Variants in PRDM11 observed in about 807,000 individuals in gnomAD.
PRDM11 encodes PR/SET domain 11.
A neutral mutation model predicts 97.8 loss-of-function variants in PRDM11; 20 were observed. That is an observed-to-expected ratio of 0.20 (90% CI 0.14 to 0.30). The LOEUF (loss-of-function observed/expected upper bound fraction) is 0.30. Ranked by LOEUF, PRDM11 falls within the 10% of genes least tolerant of loss-of-function variation. The pLI is 1.00. For synonymous variants in PRDM11, 599 were observed against 637.7 expected (o/e 0.94, Z 0.91); for missense variants, 1,139 against 1,555.2 (o/e 0.73, Z 4.50).
intron 1 of PRDM11, among the ~76,000 whole-genome samples, chr11:45,154,517 T>C (rs1356296653): frequency 2.6e-5 from 4 of 152,094 alleles, no homozygotes; most frequent in South Asian, 4.1e-4. Context: ...GGAGTAGGGG[T>C]GGGGGCAGAT....
chr11:45,106,450 C>T (rs1852063334), intron 1 of PRDM11, among the ~76,000 whole-genome samples: 1 of 152,148 alleles, frequency 6.6e-6, no homozygotes, highest in South Asian at 2.1e-4. Flanking sequence ...GCTAGATGTT[C>T]TAGTTATACT....
At chr11:45,209,166 G>A (rs1420722392) in intron 5 of PRDM11, 13 of 452,994 alleles carry the variant, frequency 2.9e-5, no homozygotes, top group Admixed American at 7.1e-5. Flanking sequence ...CCCTGGGGCC[G>A]GGGGCCGGGC....
rs1313447343 is a variant in PRDM11, at chr11:45,224,662, C to T, written c.1188C>T (p.Ala396=). The change falls in exon 7 of 8, where the codon GCC becomes GCT. Residue 396 remains alanine, a synonymous_variant. Coordinates refer to ENST00000683152, the MANE Select transcript of PRDM11 (RefSeq NM_001384648.1). ...SSFKADSPAE[A]SLASDPHELP... is the part of the protein sequence containing the mutation. ...TCAAGGCCGACAGTCCTGCCGAGGC[C>T]TCCCTTGCATCTGACCCTCATGAAC... 2 of 1,614,196 alleles carry T rather than the reference C, an allele frequency of 1.2e-6. No homozygotes were observed. The highest frequency in any genetic ancestry group is 8.5e-7 in the Non-Finnish European group (1 of 1,180,040).
At chr11:45,179,235 AT>A (rs1294834319) in intron 1 of PRDM11, among the ~76,000 whole-genome samples, 2 of 152,208 alleles carry the variant, frequency 1.3e-5, no homozygotes, top group Non-Finnish European at 2.9e-5. Flanking sequence ...CTTAAAAAAA[AT>A]AAATCCCAGC....
chr11:45,145,670 G>C (rs996456778), upstream of PRDM11, among the ~76,000 whole-genome samples: 2 of 152,234 alleles, frequency 1.3e-5, no homozygotes, highest in Non-Finnish European at 2.9e-5. Context: ...TGGTAGGAGA[G>C]ACGTCGCCAT....
rs1313351702 is a variant in PRDM11 at position 45,125,514 on chromosome 11, T to C, written c.96+29613T>C. ...TTCCCTCTACACACTGCTTTGAATG[T>C]GTCCCAGAGATTCTGGTATGTTGTG... On this transcript the variant is annotated intron_variant, in intron 1 of 6. Transcript: ENST00000530656. Among the ~76,000 whole-genome samples, 36 of 152,342 alleles carry C rather than the reference T, an allele frequency of 2.4e-4. No homozygotes were observed. In the East Asian group the frequency reaches 6.7e-3, roughly 29 times the overall value.
chr11:45,213,672 G>A (rs933326015), intron 5 of PRDM11: 34 of 456,386 alleles, frequency 7.4e-5, no homozygotes, highest in African/African-American at 3.6e-4. Flanking sequence ...GCTTTTCCTC[G>A]CCCTTGCAGA....
chr11:45,100,078 C>T (rs1851948037), intron 1 of PRDM11, among the ~76,000 whole-genome samples: 1 of 152,082 alleles, frequency 6.6e-6, no homozygotes, highest in Admixed American at 6.5e-5. Context: ...CATAAAATGG[C>T]ATCATTTGGC....
rs778999417 is a variant in PRDM11 at position 45,183,064 on chromosome 11, G to C, written c.427G>C (p.Gly143Arg). ...NEVIPKGHIF[G>R]PYEGQISTQD... is the part of the protein sequence containing the mutation. ...GGTCATCCCCAAGGGCCACATCTTC[G>C]GCCCCTATGAGGGGCAGATCTCCAC... Residue 143 changes from glycine (G) to arginine (R), a missense_variant, in exon 4 of 8, where the codon GGC becomes CGC. By Grantham distance (125) the Gly-to-Arg change is moderately radical. Around this residue, in one of 2 missense-constraint regions of PRDM11, gnomAD observed 429 missense variants for 510.3 expected, o/e 0.84. Transcript: ENST00000683152. 2 of 1,613,912 alleles carry C rather than the reference G, an allele frequency of 1.2e-6. No homozygotes were observed. The highest frequency in any genetic ancestry group is 1.7e-6 in the Non-Finnish European group (2 of 1,179,996).
intron 1 of PRDM11, among the ~76,000 whole-genome samples, chr11:45,114,309 A>T (rs978476650): frequency 2.1e-4 from 32 of 152,188 alleles, no homozygotes; most frequent in African/African-American, 6.8e-4. Flanking sequence ...TATGAAATTT[A>T]AAAAATTCAC....
At chr11:45,164,770 G>T (rs1852019489) in intron 1 of PRDM11, among the ~76,000 whole-genome samples, 1 of 152,202 alleles carries the variant, frequency 6.6e-6, no homozygotes, top group Non-Finnish European at 1.5e-5. Context: ...CGGCTTGGCA[G>T]AGAGACCCCT....
At chr11:45,211,756 A>G (rs1853744829) in intron 5 of PRDM11, among the ~76,000 whole-genome samples, 1 of 151,434 alleles carries the variant, frequency 6.6e-6, no homozygotes, top group Non-Finnish European at 1.5e-5. Context: ...AGTCCGTTGT[A>G]TCAATCTTAT....
chr11:45,170,342 C>CA (rs57905590), intron 1 of PRDM11, among the ~76,000 whole-genome samples: 27,789 of 145,350 alleles, frequency 0.19, 2,974 homozygotes, highest in Non-Finnish European at 0.25. Flanking sequence ...GACACTGTCT[C>CA]AAAAAAAAAA....
chr11:45,209,900 G>A (rs1270949015), intron 5 of PRDM11, among the ~76,000 whole-genome samples: 1 of 152,240 alleles, frequency 6.6e-6, no homozygotes, highest in Non-Finnish European at 1.5e-5. Flanking sequence ...GGACTAGGAT[G>A]TGAAGAGTAA....
intron 1 of PRDM11, among the ~76,000 whole-genome samples, chr11:45,169,183 G>C (rs924427871): frequency 2.0e-5 from 3 of 152,204 alleles, no homozygotes; most frequent in African/African-American, 7.2e-5. Flanking sequence ...AAAAAAAGTA[G>C]ATAGAAAAGT....
intron 1 of PRDM11, among the ~76,000 whole-genome samples, chr11:45,135,436 A>T (rs1852820487): frequency 6.6e-6 from 1 of 152,240 alleles, no homozygotes; most frequent in Admixed American, 6.5e-5. Context: ...TAATGAAAAC[A>T]ATATGTGAAT....
intron 1 of PRDM11, among the ~76,000 whole-genome samples, chr11:45,157,234 G>A (rs1406137735): frequency 6.6e-6 from 1 of 152,166 alleles, no homozygotes; most frequent in Admixed American, 6.5e-5. Flanking sequence ...TCCATGGACG[G>A]GGTCGGGGAG....
intron 1 of PRDM11, among the ~76,000 whole-genome samples, chr11:45,106,516 C>T (rs1197479404): frequency 2.6e-5 from 4 of 152,130 alleles, no homozygotes; most frequent in Non-Finnish European, 4.4e-5. Context: ...TTTATTATAG[C>T]CATGGATTCT....
intron 1 of PRDM11, among the ~76,000 whole-genome samples, chr11:45,161,809 A>G (rs779800608): frequency 6.6e-6 from 1 of 152,230 alleles, no homozygotes; most frequent in African/African-American, 2.4e-5. Flanking sequence ...GCTGCTGCCT[A>G]AGCAGCTCCT....
Sources: allele counts gnomAD v4.1 joint callset (sites outside exome capture counted in the v4.1 genomes callset), GRCh38; gene constraint gnomAD v4.1.1; regional missense constraint gnomAD v4.1.1; transcripts MANE v1.5; gene names NCBI Gene and HGNC (gene_info 2026-07-23, HGNC 2026-07-21).